The following PTPRD variants were observed in gnomAD, a reference collection of about 807,000 sequenced individuals.
PTPRD encodes protein tyrosine phosphatase receptor type D.
Under a neutral mutation model 214.5 loss-of-function variants are expected in PTPRD, and 34 were observed. The ratio of observed to expected loss-of-function variants is 0.16; its 90% CI spans 0.12 to 0.21. The LOEUF (loss-of-function observed/expected upper bound fraction) is 0.21, where lower values mean the gene tolerates loss of function less well. Ranked by LOEUF, PTPRD falls within the 10% of genes least tolerant of loss-of-function variation. The probability of loss-of-function intolerance (pLI) is 1.00; values close to 1 mark genes in which losing one functional copy is unlikely to be tolerated. For missense variants in PTPRD, 2,545 were observed against 2,398.7 expected, an observed-to-expected ratio of 1.06 and a Z score of -1.27; for synonymous variants, 1,128 against 845.7, an observed-to-expected ratio of 1.33 and a Z score of -5.79.
intron 8 of PTPRD, among the ~76,000 whole-genome samples, chr9:9,447,253 A>G (rs1205293862): frequency 1.3e-5 from 2 of 152,166 alleles, no homozygotes; most frequent in Non-Finnish European, 2.9e-5. Context: ...CGGCAAAGAC[A>G]TGGAATCAAC....
At chr9:8,959,708 T>C (rs1233848604) in intron 11 of PTPRD, among the ~76,000 whole-genome samples, 4 of 152,048 alleles carry the variant, frequency 2.6e-5, no homozygotes, top group Non-Finnish European at 5.9e-5. Flanking sequence ...GAGTATATCC[T>C]TTGGAAAGCA....
intron 2 of PTPRD, among the ~76,000 whole-genome samples, chr9:10,341,801 C>G (rs2096944197): frequency 2.0e-5 from 3 of 151,376 alleles, no homozygotes; most frequent in Non-Finnish European, 4.4e-5. Context: ...TAGAAAGCAC[C>G]AGCTGATATT....
intron 11 of PTPRD, among the ~76,000 whole-genome samples, chr9:8,879,216 T>C (rs2098421331): frequency 6.6e-6 from 1 of 152,158 alleles, no homozygotes. Context: ...AGCTGAGAGA[T>C]GGGTGATCGA....
chr9:9,457,423 A>G (rs562114141), intron 8 of PTPRD, among the ~76,000 whole-genome samples: 96 of 152,154 alleles, frequency 6.3e-4, no homozygotes, highest in Middle Eastern at 3.4e-3. Context: ...CTGAAAGTTT[A>G]ATAATGGCTG....
chr9:9,146,522 C>T (rs201914332), intron 10 of PTPRD, among the ~76,000 whole-genome samples: 5 of 151,944 alleles, frequency 3.3e-5, no homozygotes, highest in Admixed American at 6.6e-5. Flanking sequence ...TGGTGGTTGT[C>T]GTTTTTCTTT....
rs555886973 is a variant in PTPRD, at chr9:8,678,800, T to C, written c.65-41956A>G. Among the ~76,000 whole-genome samples the C allele has an allele frequency of 1.2e-4, 19 of 152,278 alleles. No individual in the cohort carries two copies. The South Asian group carries it at 3.9e-3, about 32-fold the overall frequency. ...CATAAAAACACAGAACACATTTATA[T>C]CCAGTCTAATAACATAAAATTGATG... is the stretch of plus-strand genomic sequence containing the variant. On this transcript the variant is annotated intron_variant, in intron 12 of 45. Transcript: ENST00000381196.
At chr9:9,218,652 G>C (rs760191745) in intron 9 of PTPRD, among the ~76,000 whole-genome samples, 111 of 152,144 alleles carry the variant, frequency 7.3e-4, no homozygotes, top group Non-Finnish European at 1.3e-3. Context: ...CTAAATCTGG[G>C]ACTGTAACAT....
chr9:10,004,375 G>A (rs1450550326), intron 4 of PTPRD, among the ~76,000 whole-genome samples: 1 of 151,790 alleles, frequency 6.6e-6, no homozygotes, highest in Non-Finnish European at 1.5e-5. Context: ...GAGGAATTAA[G>A]CAAATTAATA....
At chr9:9,862,669 A>G (rs1002387219) in intron 5 of PTPRD, among the ~76,000 whole-genome samples, 1 of 122,806 alleles carries the variant, frequency 8.1e-6, no homozygotes, top group African/African-American at 3.1e-5. Context: ...TGTTGAGCTG[A>G]GCTCCCCAAG....
chr9:10,140,778 C>A (rs79745864), intron 3 of PTPRD, among the ~76,000 whole-genome samples: 1 of 151,644 alleles, frequency 6.6e-6, no homozygotes, highest in African/African-American at 2.4e-5. Flanking sequence ...ATACCAAAGC[C>A]GGGCAGAGAC....
At chr9:9,941,023 T>C (rs903611581) in intron 4 of PTPRD, among the ~76,000 whole-genome samples, 1 of 152,134 alleles carries the variant, frequency 6.6e-6, no homozygotes, top group Non-Finnish European at 1.5e-5. Context: ...AAGAGTTGTC[T>C]TGGGCTACAC....
intron 28 of PTPRD, 172 bp from the exon 29 acceptor site, chr9:8,485,496 G>T: frequency 1.6e-6 from 1 of 622,830 alleles, no homozygotes; most frequent in Non-Finnish European, 2.8e-6. Context: ...TTCTCACAGA[G>T]ATCTTTCCTT....
At chr9:9,131,172 C>T (rs1207542986) in intron 10 of PTPRD, among the ~76,000 whole-genome samples, 1 of 152,100 alleles carries the variant, frequency 6.6e-6, no homozygotes, top group South Asian at 2.1e-4. Flanking sequence ...AATACTGGTG[C>T]TTTTGATGCC....
chr9:9,466,453 A>C (rs1291470827), intron 8 of PTPRD, among the ~76,000 whole-genome samples: 2 of 152,234 alleles, frequency 1.3e-5, no homozygotes, highest in Non-Finnish European at 2.9e-5. Context: ...AAATCACTGT[A>C]GAAAAAAATA....
chr9:9,441,674 C>CT (rs1405379962), intron 8 of PTPRD, among the ~76,000 whole-genome samples: 2 of 151,986 alleles, frequency 1.3e-5, no homozygotes, highest in Non-Finnish European at 1.5e-5. Context: ...AATGAGGCCA[C>CT]TTTAGAATAA....
intron 2 of PTPRD, among the ~76,000 whole-genome samples, chr9:10,504,588 G>T (rs1055810257): frequency 6.6e-6 from 1 of 152,060 alleles, no homozygotes; most frequent in Non-Finnish European, 1.5e-5. Flanking sequence ...AATTTGTTTG[G>T]AACTTTGATT....
chr9:10,482,616 T>A (rs1213105480), intron 2 of PTPRD, among the ~76,000 whole-genome samples: 1 of 152,034 alleles, frequency 6.6e-6, no homozygotes, highest in Non-Finnish European at 1.5e-5. Flanking sequence ...TTCAGAAAAG[T>A]TTCAGGTTGC....
At chr9:9,306,350 G>A (rs1213898329) in intron 9 of PTPRD, among the ~76,000 whole-genome samples, 1 of 151,508 alleles carries the variant, frequency 6.6e-6, no homozygotes, top group Non-Finnish European at 1.5e-5. Flanking sequence ...GATCACCTGA[G>A]GTCAGGAGTT....
At chr9:9,421,777 G>C (rs574184433) in intron 8 of PTPRD, among the ~76,000 whole-genome samples, 14 of 152,180 alleles carry the variant, frequency 9.2e-5, no homozygotes, top group East Asian at 1.9e-4. Flanking sequence ...AATAGGATTT[G>C]ACACTGGCGT....
Sources: allele counts gnomAD v4.1 joint callset (sites outside exome capture counted in the v4.1 genomes callset), GRCh38; gene constraint gnomAD v4.1.1; transcripts MANE v1.5; gene names NCBI Gene and HGNC (gene_info 2026-07-23, HGNC 2026-07-21).